SCN8A: variants seen among roughly 807,000 people sequenced by gnomAD.
SCN8A encodes sodium channel protein type 8 subunit alpha.
A neutral mutation model predicts 184.1 loss-of-function variants in SCN8A; 30 were observed. The observed-to-expected ratio is 0.16, with a 90% CI of 0.12 to 0.22. The LOEUF (loss-of-function observed/expected upper bound fraction) is 0.22. Among genes scored for constraint, SCN8A ranks in the 10% least tolerant of loss-of-function variants. SCN8A has a pLI of 1.00. For missense variants in SCN8A, 1,057 were observed against 2,498.9 expected (o/e 0.42, Z 12.30); for synonymous variants, 852 against 907.0 (o/e 0.94, Z 1.09).
intron 1 of SCN8A, among the ~76,000 whole-genome samples, chr12:51,613,709 TATA>T (rs1939772407): frequency 1.3e-5 from 2 of 152,270 alleles, no homozygotes; most frequent in African/African-American, 4.8e-5. Context: ...TCTTTTCTAA[TATA>T]ATCTCTTAAT....
At chr12:51,662,243 G>A (rs139921922) in intron 1 of SCN8A, among the ~76,000 whole-genome samples, 2 of 152,284 alleles carry the variant, frequency 1.3e-5, no homozygotes, top group Admixed American at 1.3e-4. Flanking sequence ...AGATGGAAGC[G>A]ATTTTATCTA....
chr12:51,745,347 C>A (rs1942493028), intron 12 of SCN8A, among the ~76,000 whole-genome samples: 1 of 152,180 alleles, frequency 6.6e-6, no homozygotes, highest in Admixed American at 6.5e-5. Flanking sequence ...TGGAGCAGAT[C>A]TTCAACTTGC....
intron 12 of SCN8A, among the ~76,000 whole-genome samples, chr12:51,724,221 A>C (rs541534645): frequency 6.6e-6 from 1 of 152,290 alleles, no homozygotes; most frequent in South Asian, 2.1e-4. Context: ...TGAGGTGGGC[A>C]GATCACCTGA....
In SCN8A at chr12:51,808,573, G is replaced by T. The variant is rs1485920995; in HGVS notation, c.*1144G>T. On this transcript the variant is annotated 3_prime_UTR_variant, in exon 27 of 27. Coordinates refer to ENST00000627620, the MANE Select transcript of SCN8A (RefSeq NM_001330260.2). Reference sequence around the variant, plus strand: ...TGACGATCGTTTAGCCTTCATACTGGAGAATTGACACTTATTTGGGGTAGA... The same window carrying T: ...TGACGATCGTTTAGCCTTCATACTGTAGAATTGACACTTATTTGGGGTAGA... 6.6e-6 allele frequency: 1 copy of T among 152,456 alleles called. No homozygotes were observed. The highest frequency in any genetic ancestry group is 2.4e-5 in the African/African-American group (1 of 41,432). 9.4% of individuals were successfully genotyped at this position (152,456 alleles called of 1,614,324 possible).
chr12:51,638,361 G>T (rs1361941914), intron 1 of SCN8A, among the ~76,000 whole-genome samples: 1 of 152,124 alleles, frequency 6.6e-6, no homozygotes, highest in Non-Finnish European at 1.5e-5. Flanking sequence ...TTATCTGATG[G>T]ATCTGGGAAA....
intron 19 of SCN8A, 95 bp downstream of exon 19, chr12:51,770,778 A>C: frequency 7.7e-7 from 1 of 1,299,314 alleles, no homozygotes; most frequent in South Asian, 1.3e-5. Context: ...AGTGGCTCTG[A>C]AAACAGATTG....
rs200204783 is a variant in SCN8A at position 51,719,847 on chromosome 12, C to T, written c.1636-1699C>T. Among the ~76,000 whole-genome samples, 67 of 152,086 alleles carry T rather than the reference C, an allele frequency of 4.4e-4. No homozygotes were observed. In the East Asian group the frequency reaches 8.9e-3, roughly 20 times the overall value. On this transcript the variant is annotated intron_variant, in intron 11 of 26. Coordinates refer to ENST00000627620, the MANE Select transcript of SCN8A (RefSeq NM_001330260.2). ...ATCCCAGCACTTTGGGAGGCCGAGGCGGGCGGATCACGAGGTCAGGAGATC... is the reference window on the plus strand; with the variant it reads ...ATCCCAGCACTTTGGGAGGCCGAGGTGGGCGGATCACGAGGTCAGGAGATC...
intron 1 of SCN8A, among the ~76,000 whole-genome samples, chr12:51,605,486 C>T (rs559197256): frequency 1.3e-5 from 2 of 152,336 alleles, no homozygotes; most frequent in East Asian, 3.9e-4. Context: ...TCTTTATCCA[C>T]TTGTTGATTA....
At chr12:51,627,603 A>G (rs897016010) in intron 1 of SCN8A, among the ~76,000 whole-genome samples, 2 of 152,062 alleles carry the variant, frequency 1.3e-5, no homozygotes, top group African/African-American at 2.4e-5. Flanking sequence ...GGTGGTCTCG[A>G]TCTCCTGACC....
Position 51,789,433 on chromosome 12 carries a change from C to T in SCN8A, c.4419+15C>T, listed in dbSNP as rs578158246. 2.5e-6 allele frequency: 4 copies of T among 1,613,218 alleles called. No homozygotes were observed. Among genetic ancestry groups the T allele is most frequent in the East Asian group, 4.5e-5 (2 of 44,878 alleles). The stretch of plus-strand genomic sequence containing the variant: ...AAAAGAAAAAGATAGGTCTCCTCCC[C>T]TCATTGCCAGTGGTTGGAAGTCAGC... On this transcript the variant is annotated intron_variant, in intron 24 of 26. Transcript: ENST00000627620.
intron 1 of SCN8A, among the ~76,000 whole-genome samples, chr12:51,656,751 C>T (rs1017894327): frequency 6.6e-6 from 1 of 151,650 alleles, no homozygotes; most frequent in African/African-American, 2.4e-5. Flanking sequence ...GAAAATGCAT[C>T]AGTATCATTA....
At chr12:51,790,611 T>A in intron 25 of SCN8A, 109 bp downstream of exon 25, 1 of 694,178 alleles carries the variant, frequency 1.4e-6, no homozygotes, top group Non-Finnish European at 2.5e-6. Flanking sequence ...GCTTTGTGCC[T>A]AATCCTCTCC....
chr12:51,699,827 A>G, intron 7 of SCN8A, 36 bp downstream of exon 7: 1 of 1,540,344 alleles, frequency 6.5e-7, no homozygotes, highest in Non-Finnish European at 8.9e-7. Context: ...GAATAGGAAA[A>G]GTCTATTCCT....
rs1433717037 is a variant in SCN8A at position 51,812,674 on chromosome 12, A to G, written c.*5245A>G. 1 of 152,176 alleles carries G rather than the reference A, an allele frequency of 6.6e-6. No individual in the cohort carries two copies. The highest frequency in any genetic ancestry group is 2.4e-5 in the African/African-American group (1 of 41,432). 9.4% of individuals were successfully genotyped at this position (152,176 alleles called of 1,614,324 possible). A position where few individuals can be genotyped will look rare whatever the true frequency, so the allele number is the denominator to read the frequency against. ...CAAGACAATTTTTTCCCCTTGCTGT[A>G]TCTCCTTCCCTCACCTCCTCGACTT... On this transcript the variant is annotated 3_prime_UTR_variant, in exon 27 of 27. Coordinates refer to ENST00000627620, the MANE Select transcript of SCN8A (RefSeq NM_001330260.2).
chr12:51,653,017 C>G (rs12423042), intron 1 of SCN8A, among the ~76,000 whole-genome samples: 12 of 152,088 alleles, frequency 7.9e-5, no homozygotes, highest in Admixed American at 5.2e-4. Context: ...CCATCATAAC[C>G]ATTTTTAAAT....
intron 14 of SCN8A, among the ~76,000 whole-genome samples, chr12:51,762,098 T>G (rs1435889104): frequency 6.6e-6 from 1 of 152,230 alleles, no homozygotes; most frequent in South Asian, 2.1e-4. Flanking sequence ...AAATTAGCAT[T>G]AATACTTTAT....
At chr12:51,724,595 G>A (rs1942126860) in intron 12 of SCN8A, among the ~76,000 whole-genome samples, 1 of 152,218 alleles carries the variant, frequency 6.6e-6, no homozygotes, top group South Asian at 2.1e-4. Context: ...GGGCTCCACA[G>A]TTAGATAATT....
At chr12:51,701,092 C>G in intron 7 of SCN8A, 52 bp from the exon 8 acceptor site, 1 of 1,234,702 alleles carries the variant, frequency 8.1e-7, no homozygotes, top group Non-Finnish European at 1.2e-6. Flanking sequence ...ACCTTATTCT[C>G]TCATTCACTT....
intron 1 of SCN8A, among the ~76,000 whole-genome samples, chr12:51,623,658 CA>C (rs1314638575): frequency 6.6e-6 from 1 of 152,046 alleles, no homozygotes; most frequent in African/African-American, 2.4e-5. Context: ...TACATGTGCA[CA>C]ACGTGCAGGT....
Sources: allele counts gnomAD v4.1 joint callset (sites outside exome capture counted in the v4.1 genomes callset), GRCh38; gene constraint gnomAD v4.1.1; transcripts MANE v1.5; gene names NCBI Gene and HGNC (gene_info 2026-07-23, HGNC 2026-07-21).